DGKH: variants seen among roughly 807,000 people sequenced by gnomAD.
DGKH encodes diacylglycerol kinase eta.
In DGKH, 90 loss-of-function variants were observed where a neutral mutation model predicts 159.3. The observed-to-expected ratio is 0.57, with a 90% CI of 0.48 to 0.67. The LOEUF is 0.67. Ranked by LOEUF, DGKH falls within the 30% of genes least tolerant of loss-of-function variation. DGKH has a pLI of 0.00. For missense variants in DGKH, 1,181 were observed against 1,506.1 expected (o/e 0.78, Z 3.57); for synonymous variants, 536 against 553.8 (o/e 0.97, Z 0.45).
At chr13:42,140,780 C>T (rs1186278026) in intron 3 of DGKH, 1 of 151,974 alleles carries the variant, frequency 6.6e-6, no homozygotes, top group African/African-American at 2.4e-5. Context: ...ACTCTCACTT[C>T]TGGTCCCTTT....
In DGKH at chr13:42,178,163, C is replaced by T. The variant is rs201179116; in HGVS notation, c.1481C>T (p.Thr494Met). ...ACGATTTATGAAGACTCAGTTGCAACGCATCTTACAAAAATCCTCAATTCT... is the reference window on the plus strand; with the variant it reads ...ACGATTTATGAAGACTCAGTTGCAATGCATCTTACAAAAATCCTCAATTCT... The part of the protein sequence containing the change: ...YMTIYEDSVA[T>M]HLTKILNSDE... Residue 494 changes from threonine to methionine, a missense_variant, in exon 13 of 30, where the codon ACG becomes ATG. This residue lies in a region of DGKH where 369 missense variants were observed against 519.4 expected (regional missense o/e 0.71). Transcript: ENST00000337343. The T allele has an allele frequency of 1.4e-5, 22 of 1,607,668 alleles. No homozygotes were observed. In the East Asian group the frequency reaches 1.8e-4, roughly 13 times the overall value.
At chr13:42,040,703 G>A (rs1880436297) in intron 1 of DGKH, among the ~76,000 whole-genome samples, 1 of 150,500 alleles carries the variant, frequency 6.6e-6, no homozygotes, top group African/African-American at 2.4e-5. Context: ...GGGAGAGCGC[G>A]GCGGAAGCCG....
chr13:42,090,338 T>A (rs959575678), intron 1 of DGKH, among the ~76,000 whole-genome samples: 1 of 152,232 alleles, frequency 6.6e-6, no homozygotes, highest in Non-Finnish European at 1.5e-5. Flanking sequence ...CAAAGTGACC[T>A]ACAGATTCAG....
chr13:42,122,295 G>A (rs932079516), intron 1 of DGKH, among the ~76,000 whole-genome samples: 1 of 152,160 alleles, frequency 6.6e-6, no homozygotes, highest in Non-Finnish European at 1.5e-5. Flanking sequence ...ACCTGAGGCT[G>A]GGTGATTTAT....
chr13:42,139,363 C>T (rs1955481075), intron 3 of DGKH, among the ~76,000 whole-genome samples: 1 of 152,164 alleles, frequency 6.6e-6, no homozygotes, highest in African/African-American at 2.4e-5. Context: ...AAAACCAGAC[C>T]AGGGGAGTCC....
In DGKH at chr13:42,238,142, T is replaced by G. The variant is rs1055677281; in HGVS notation, c.*8954T>G. On this transcript the variant is annotated 3_prime_UTR_variant, in exon 30 of 30. Coordinates refer to ENST00000337343, the MANE Select transcript of DGKH (RefSeq NM_178009.5). ...ATCAGTTGTTAGTACTTGGTAACGT[T>G]TCTTTTACTAAAGGAATTATATAAG... The G allele has an allele frequency of 1.3e-5, 2 of 152,214 alleles. No homozygotes were observed. Among genetic ancestry groups the G allele is most frequent in the Admixed American group, 1.3e-4 (2 of 15,274 alleles). 9.4% of individuals were successfully genotyped at this position (152,214 alleles called of 1,614,324 possible). A position where few individuals can be genotyped will look rare whatever the true frequency, so the allele number is the denominator to read the frequency against.
chr13:42,227,037 G>A (rs654267), intron 29 of DGKH, among the ~76,000 whole-genome samples: 152,218 of 152,220 alleles, frequency 1, 76,108 homozygotes, highest in Non-Finnish European at 1. Context: ...ACACGTTCTT[G>A]TAAGTGGGAG....
chr13:42,043,831 C>T (rs944353835), upstream of DGKH: 2 of 151,996 alleles, frequency 1.3e-5, no homozygotes, highest in African/African-American at 4.8e-5. Flanking sequence ...TGCATGTAAC[C>T]ATTTACTCTC....
chr13:42,070,529 A>G, intron 1 of DGKH: 1 of 1,405,658 alleles, frequency 7.1e-7, no homozygotes, highest in Non-Finnish European at 1.0e-6. Context: ...CAATCCTTCA[A>G]AAGATGACTC....
At chr13:42,069,530 T>C in intron 1 of DGKH, 1 of 1,597,024 alleles carries the variant, frequency 6.3e-7, no homozygotes, top group South Asian at 1.1e-5. Context: ...AATCCCTGAT[T>C]CTTTTCCCTT....
chr13:42,091,995 G>A (rs1954427835), intron 1 of DGKH, among the ~76,000 whole-genome samples: 2 of 152,138 alleles, frequency 1.3e-5, no homozygotes, highest in Non-Finnish European at 2.9e-5. Context: ...GCTGTTTTCT[G>A]TAATTGGCTG....
At chr13:42,095,493 T>C (rs1055954716) in intron 1 of DGKH, among the ~76,000 whole-genome samples, 2 of 152,152 alleles carry the variant, frequency 1.3e-5, no homozygotes, top group Non-Finnish European at 2.9e-5. Context: ...GAGTGCTTAA[T>C]ACCTATTGGT....
chr13:42,155,043 T>C (rs1956007964), intron 3 of DGKH, among the ~76,000 whole-genome samples: 1 of 152,168 alleles, frequency 6.6e-6, no homozygotes, highest in African/African-American at 2.4e-5. Context: ...TAAGAATGCA[T>C]TGTGTATTTG....
intron 2 of DGKH, among the ~76,000 whole-genome samples, chr13:42,128,640 C>CGAGA (rs35861178): frequency 0.86 from 130,810 of 151,692 alleles, 56,779 homozygotes; most frequent in Middle Eastern, 0.9. Flanking sequence ...CCATGATTCA[C>CGAGA]GAGAGAGAGT....
rs1958479904 is a variant in DGKH, at chr13:42,239,588, C to CAAA, written c.*10401_*10402insAAA. The CAAA allele has an allele frequency of 6.6e-6, 1 of 152,556 alleles. No individual in the cohort carries two copies. Among genetic ancestry groups the CAAA allele is most frequent in the African/African-American group, 2.4e-5 (1 of 41,438 alleles). The allele number at this position is 152,556 out of a possible 1,614,324, so 9.5% of individuals were successfully genotyped here. On this transcript the variant is annotated 3_prime_UTR_variant, in exon 30 of 30. Coordinates refer to ENST00000337343, the MANE Select transcript of DGKH (RefSeq NM_178009.5). ...AAGTGTTGATTTCATTGCTGCCTTT[C>CAAA]AGGCCTTCATCATACAAACCCTCAC...
At chr13:42,070,007 A>C in intron 1 of DGKH, 1 of 837,358 alleles carries the variant, frequency 1.2e-6, no homozygotes, top group African/African-American at 1.7e-5. Flanking sequence ...TGCTCTGAAA[A>C]CTGACAGTCA....
intron 1 of DGKH, among the ~76,000 whole-genome samples, chr13:42,107,548 G>A (rs1049198187): frequency 6.6e-6 from 1 of 152,158 alleles, no homozygotes; most frequent in East Asian, 1.9e-4. Flanking sequence ...GAGGGAGGGA[G>A]GGAGTATGGA....
chr13:42,119,881 C>G (rs982918334), intron 1 of DGKH, among the ~76,000 whole-genome samples: 1 of 152,108 alleles, frequency 6.6e-6, no homozygotes, highest in Non-Finnish European at 1.5e-5. Flanking sequence ...ATTTTTTGCA[C>G]ATTCTCTTTT....
chr13:42,099,592 C>T (rs1954615036), intron 1 of DGKH, among the ~76,000 whole-genome samples: 1 of 152,096 alleles, frequency 6.6e-6, no homozygotes, highest in Non-Finnish European at 1.5e-5. Context: ...TGAAGCAGCA[C>T]TGGTAGTAAG....
Sources: gnomAD v4.1 joint callset for allele counts (sites outside exome capture counted in the v4.1 genomes callset) on GRCh38, gnomAD v4.1.1 for gene constraint, gnomAD v4.1.1 regional missense constraint, MANE v1.5 for transcripts, NCBI Gene and HGNC (gene_info 2026-07-23, HGNC 2026-07-21) for gene names.